MACROD2: variants seen among roughly 807,000 people sequenced by gnomAD.
MACROD2 encodes the protein ADP-ribose glycohydrolase MACROD2.
Under a neutral mutation model 70.4 loss-of-function variants are expected in MACROD2, and 36 were observed. The observed-to-expected ratio is 0.51, with a 90% CI of 0.39 to 0.68. The LOEUF is 0.68. Among genes scored for constraint, MACROD2 ranks in the 30% least tolerant of loss-of-function variants. The probability of loss-of-function intolerance (pLI) is 0.00; values close to 1 mark genes in which losing one functional copy is unlikely to be tolerated. For synonymous variants in MACROD2, 172 were observed against 178.8 expected (o/e 0.96, Z 0.30); for missense variants, 496 against 538.4 (o/e 0.92, Z 0.78).
At chr20:15,146,570 A>G (rs140999171) in intron 5 of MACROD2, among the ~76,000 whole-genome samples, 7 of 152,254 alleles carry the variant, frequency 4.6e-5, no homozygotes, top group East Asian at 1.9e-4. Flanking sequence ...GATCTCCTCA[A>G]CTTTCCTCAT....
intron 8 of MACROD2, among the ~76,000 whole-genome samples, chr20:15,856,429 C>T (rs1450843670): frequency 2.0e-5 from 3 of 152,162 alleles, no homozygotes; most frequent in Non-Finnish European, 2.9e-5. Context: ...GAGTGCTTTG[C>T]AAAACCATCT....
intron 8 of MACROD2, among the ~76,000 whole-genome samples, chr20:15,797,956 G>A (rs2063690146): frequency 6.6e-6 from 1 of 152,182 alleles, no homozygotes; most frequent in African/African-American, 2.4e-5. Flanking sequence ...TCTGTAAAGA[G>A]TCATATAGTA....
chr20:15,619,659 C>T, intron 8 of MACROD2: 1 of 334,830 alleles, frequency 3.0e-6, no homozygotes, highest in Non-Finnish European at 5.6e-6. Flanking sequence ...AGTACTTTTT[C>T]CCTTTTCGGA....
At chr20:15,371,470 C>A (rs1843215304) in intron 6 of MACROD2, among the ~76,000 whole-genome samples, 1 of 152,116 alleles carries the variant, frequency 6.6e-6, no homozygotes, top group Non-Finnish European at 1.5e-5. Context: ...CTGCTGAAAG[C>A]AGTTTAATAA....
At chr20:15,654,151 A>G (rs766074558) in intron 8 of MACROD2, among the ~76,000 whole-genome samples, 1 of 152,200 alleles carries the variant, frequency 6.6e-6, no homozygotes, top group African/African-American at 2.4e-5. Context: ...GGCTAAATCA[A>G]TAGGGTTATA....
At chr20:14,025,770 G>A (rs6079261) in intron 2 of MACROD2, among the ~76,000 whole-genome samples, 17,207 of 152,080 alleles carry the variant, frequency 0.11, 1,146 homozygotes, top group Admixed American at 0.18. Flanking sequence ...TCAATTATGC[G>A]GTCAATTTTA....
chr20:15,566,019 T>C (rs181472539), intron 8 of MACROD2, among the ~76,000 whole-genome samples: 24 of 152,300 alleles, frequency 1.6e-4, no homozygotes, highest in African/African-American at 5.5e-4. Context: ...TCTCTGAGCT[T>C]CTTTCAGCAC....
At chr20:14,568,432 A>G (rs1299409801) in intron 4 of MACROD2, among the ~76,000 whole-genome samples, 1 of 152,002 alleles carries the variant, frequency 6.6e-6, no homozygotes, top group African/African-American at 2.4e-5. Context: ...CTTTGACAGT[A>G]CCTTTTAACA....
intron 8 of MACROD2, among the ~76,000 whole-genome samples, chr20:15,557,849 T>G (rs1422787626): frequency 6.6e-6 from 1 of 152,186 alleles, no homozygotes; most frequent in Non-Finnish European, 1.5e-5. Flanking sequence ...TCGGGCAATC[T>G]GGCACATTTT....
chr20:14,853,148 G>A (rs1017866822), intron 5 of MACROD2, among the ~76,000 whole-genome samples: 4 of 119,998 alleles, frequency 3.3e-5, no homozygotes, highest in African/African-American at 8.9e-5. Flanking sequence ...TCTCACTGAG[G>A]TGTGAACAGT....
At chr20:15,391,501 A>G (rs2045791240) in intron 6 of MACROD2, among the ~76,000 whole-genome samples, 1 of 152,212 alleles carries the variant, frequency 6.6e-6, no homozygotes, top group African/African-American at 2.4e-5. Flanking sequence ...AAAGGCGAGC[A>G]GGTCTCCCGG....
intron 4 of MACROD2, among the ~76,000 whole-genome samples, chr20:14,675,502 G>T (rs148059860): frequency 1.3e-5 from 2 of 152,114 alleles, no homozygotes; most frequent in Non-Finnish European, 2.9e-5. Flanking sequence ...ACAAGCGGAG[G>T]CTGAGAGATT....
At chr20:14,044,258 C>T (rs895343096) in intron 2 of MACROD2, among the ~76,000 whole-genome samples, 32 of 151,974 alleles carry the variant, frequency 2.1e-4, no homozygotes, top group African/African-American at 7.5e-4. Context: ...TTGTTTGTTC[C>T]TCCTGGTGGG....
rs3045609 is a variant in MACROD2 at position 14,789,460 on chromosome 20, A to ATTTTTTTTTTT, written c.418+104523_418+104533dup. Among the ~76,000 whole-genome samples, 381 of 48,296 alleles carry ATTTTTTTTTTT rather than the reference A, an allele frequency of 7.9e-3. 72 individuals are homozygous for ATTTTTTTTTTT. The highest frequency in any genetic ancestry group is 0.019 in the African/African-American group (216 of 11,634). 31.7% of individuals were successfully genotyped at this position (48,296 alleles called of 152,430 possible). A position where few individuals can be genotyped will look rare whatever the true frequency, so the allele number is the denominator to read the frequency against. ...CTTGTGGATTAATCAGGTAGTGCAAATTTTTTTTTTTTTTTTTTTTTTTTT... is the reference window on the plus strand; with the variant it reads ...CTTGTGGATTAATCAGGTAGTGCAAATTTTTTTTTTTTTTTTTTTTTTTTTTTTTTTTTTTT... On this transcript the variant is annotated intron_variant, in intron 5 of 17. Transcript: ENST00000684519.
chr20:15,815,999 C>G (rs2147094974), intron 8 of MACROD2, among the ~76,000 whole-genome samples: 1 of 152,052 alleles, frequency 6.6e-6, no homozygotes, highest in African/African-American at 2.4e-5. Context: ...CTTTCCTTCC[C>G]CAGTCCATCT....
chr20:15,986,544 ATAT>A (rs1163911716), intron 13 of MACROD2, among the ~76,000 whole-genome samples, 180 bp from the exon 14 acceptor site: 1 of 152,174 alleles, frequency 6.6e-6, no homozygotes, highest in African/African-American at 2.4e-5. Flanking sequence ...AATTATCAGG[ATAT>A]TTCTCAGAAA....
intron 3 of MACROD2, among the ~76,000 whole-genome samples, chr20:14,397,771 A>G (rs1414446890): frequency 6.6e-6 from 1 of 152,168 alleles, no homozygotes; most frequent in Non-Finnish European, 1.5e-5. Flanking sequence ...TAGATTTATA[A>G]TATATACAAT....
At chr20:15,630,709 G>A (rs935683595) in intron 8 of MACROD2, among the ~76,000 whole-genome samples, 4 of 152,184 alleles carry the variant, frequency 2.6e-5, no homozygotes, top group Non-Finnish European at 5.9e-5. Flanking sequence ...ATGCCCTTTG[G>A]CCGTGCACAA....
intron 7 of MACROD2, among the ~76,000 whole-genome samples, chr20:15,489,608 A>G (rs148619513): frequency 5.9e-5 from 9 of 152,312 alleles, no homozygotes; most frequent in Non-Finnish European, 1.3e-4. Context: ...ATCTAATTCC[A>G]TGGGTCCTCT....
Sources: allele counts gnomAD v4.1 joint callset (sites outside exome capture counted in the v4.1 genomes callset), GRCh38; gene constraint gnomAD v4.1.1; transcripts MANE v1.5; gene names NCBI Gene and HGNC (gene_info 2026-07-23, HGNC 2026-07-21).